Variants in TOM1L1 observed in about 807,000 individuals in gnomAD.
TOM1L1 encodes the protein target of myb1 like 1 membrane trafficking protein, also known as TOM1-like protein 1.
TOM1L1 carries 64 observed loss-of-function variants against 63.4 expected under a neutral mutation model. The observed-to-expected ratio is 1.01, with a 90% CI of 0.83 to 1.24. TOM1L1 has a LOEUF of 1.24. Among genes scored for constraint, TOM1L1 ranks in the 50% most tolerant of loss-of-function variants. The pLI is 0.00. For missense variants in TOM1L1, 536 were observed against 567.0 expected (o/e 0.95, Z 0.55); for synonymous variants, 166 against 194.4 (o/e 0.85, Z 1.22).
chr17:54,941,508 T>C (rs931131341), intron 11 of TOM1L1, among the ~76,000 whole-genome samples: 1 of 152,200 alleles, frequency 6.6e-6, no homozygotes, highest in Non-Finnish European at 1.5e-5. Flanking sequence ...CAAGTAAATG[T>C]TGAAATGTAG....
intron 6 of TOM1L1, 72 bp from the exon 7 acceptor site, chr17:54,915,674 C>T: frequency 9.6e-7 from 1 of 1,038,304 alleles, no homozygotes; most frequent in African/African-American, 1.6e-5. Flanking sequence ...AGCAAATGTC[C>T]CATGGGGGCA....
rs74686562 is a variant in TOM1L1, at chr17:54,907,153, CT to C, written c.222+1602del. ...TTTTAGAGGCATTTTCCCCCTTCAC[CT>C]TTTTTTTTTTTTTTTGACCTCTTAC... is the stretch of plus-strand genomic sequence containing the variant. On this transcript the variant is annotated intron_variant, in intron 3 of 15. Coordinates refer to ENST00000575882, the MANE Select transcript of TOM1L1 (RefSeq NM_005486.3). Among the ~76,000 whole-genome samples the C allele has an allele frequency of 5.9e-3, 806 of 137,254 alleles. 3 individuals carry two copies. The highest frequency in any genetic ancestry group is 0.011 in the East Asian group (55 of 4,790). The allele number at this position is 137,254 out of a possible 152,430, so 90.0% of individuals were successfully genotyped here. A position where few individuals can be genotyped will look rare whatever the true frequency, so the allele number is the denominator to read the frequency against.
At chr17:54,956,553 C>G (rs758104875) in intron 14 of TOM1L1, among the ~76,000 whole-genome samples, 1 of 152,138 alleles carries the variant, frequency 6.6e-6, no homozygotes, top group Non-Finnish European at 1.5e-5. Flanking sequence ...AGTTCATCTA[C>G]CCACCTCAGC....
At position 54,961,850 on chromosome 17, in the gene TOM1L1, T is replaced by C. The variant is rs1328862177; in HGVS notation, c.*617T>C. ...GATTCTTTGTAATGCTAAATAGCCTTTTTTTCTCTTTTTACTGCAACTTAA... is the reference window on the plus strand; with the variant it reads ...GATTCTTTGTAATGCTAAATAGCCTCTTTTTCTCTTTTTACTGCAACTTAA... On this transcript the variant is annotated 3_prime_UTR_variant, in exon 16 of 16. Coordinates refer to ENST00000575882, the MANE Select transcript of TOM1L1 (RefSeq NM_005486.3). The C allele has an allele frequency of 8.3e-6, 8 of 968,856 alleles. No individual in the cohort carries two copies. The highest frequency in any genetic ancestry group is 9.8e-6 in the Non-Finnish European group (8 of 814,840). The allele number at this position is 968,856 out of a possible 1,614,324, so 60.0% of individuals were successfully genotyped here.
chr17:54,949,979 G>C (rs1567841573), intron 13 of TOM1L1, 66 bp from the exon 14 acceptor site: 10 of 1,253,782 alleles, frequency 8.0e-6, no homozygotes, highest in Non-Finnish European at 1.0e-5. Flanking sequence ...ATTATAAAAA[G>C]AATATCAATT....
At chr17:54,949,921 C>A (rs2049185159) in intron 13 of TOM1L1, 124 bp from the exon 14 acceptor site, 9 of 757,054 alleles carry the variant, frequency 1.2e-5, no homozygotes, top group Non-Finnish European at 1.7e-5. Context: ...CATTGGGACA[C>A]CAGTCTGTTT....
Position 54,949,550 on chromosome 17 carries a change from G to T in TOM1L1, c.1215G>T (p.Gln405His), listed in dbSNP as rs1434564208. 1 of 1,613,960 alleles carries T rather than the reference G, an allele frequency of 6.2e-7. No homozygotes were observed. Among genetic ancestry groups the T allele is most frequent in the African/African-American group, 1.3e-5 (1 of 75,012 alleles). The change falls in exon 13 of 16, where the codon CAG becomes CAT. Residue 405 changes from glutamine to histidine, a missense_variant. Physicochemically the swap from Gln to His is conservative, Grantham distance 24. Coordinates refer to ENST00000575882, the MANE Select transcript of TOM1L1 (RefSeq NM_005486.3). ...AACATTCAAATTCAGTGTTTCTACA[G>T]CCAGTTAGTCTACAAACCATTGCAG... ...FLEHSNSVFL[Q>H]PVSLQTIAAA...
chr17:54,921,082 C>T (rs2048676043), intron 7 of TOM1L1, among the ~76,000 whole-genome samples: 1 of 152,158 alleles, frequency 6.6e-6, no homozygotes, highest in Non-Finnish European at 1.5e-5. Context: ...AGCTCCCCAT[C>T]TTGTTTGCAC....
At chr17:54,960,498 C>A in intron 14 of TOM1L1, 68 bp from the exon 15 acceptor site, 1 of 1,182,682 alleles carries the variant, frequency 8.5e-7, no homozygotes, top group Non-Finnish European at 1.3e-6. Context: ...ACAGTGCTGG[C>A]AGTTAAAAAC....
intron 1 of TOM1L1, among the ~76,000 whole-genome samples, chr17:54,903,451 TG>T (rs1286253315): frequency 1.4e-4 from 22 of 152,374 alleles, no homozygotes; most frequent in African/African-American, 4.8e-4. Flanking sequence ...TTAGCTGGCC[TG>T]GCCTGGGCCT....
At chr17:54,953,384 C>A (rs1272897317) in intron 14 of TOM1L1, 1 of 152,286 alleles carries the variant, frequency 6.6e-6, no homozygotes, top group Non-Finnish European at 1.5e-5. Context: ...AAAAAAAATC[C>A]AACTGGTTGC....
rs777508348 is a variant in TOM1L1 at position 54,958,179 on chromosome 17, C to T, written c.1371-2387C>T. ...AAGAAAGTTAACAGGGAGCTCAGTA[C>T]CAGATGAGGAAAATGTAATTTGGAA... On this transcript the variant is annotated intron_variant, in intron 14 of 15. Transcript: ENST00000575882. 3.3e-5 allele frequency: 5 copies of T among 152,202 alleles called. No individual in the cohort carries two copies. The East Asian group carries it at 5.8e-4, about 18-fold the overall frequency. 9.4% of individuals were successfully genotyped at this position (152,202 alleles called of 1,614,324 possible).
intron 11 of TOM1L1, among the ~76,000 whole-genome samples, chr17:54,944,490 A>G (rs565445028): frequency 2.0e-5 from 3 of 152,030 alleles, no homozygotes; most frequent in African/African-American, 7.2e-5. Context: ...ATAGTCTATT[A>G]TATTTACCCA....
intron 7 of TOM1L1, among the ~76,000 whole-genome samples, chr17:54,917,731 A>G (rs779139143): frequency 6.6e-6 from 1 of 152,166 alleles, no homozygotes; most frequent in African/African-American, 2.4e-5. Flanking sequence ...GCTGGTCTGC[A>G]TTCTCTGCTG....
rs753917289 is a variant in TOM1L1 at position 54,912,667 on chromosome 17, T to TTATA, written c.227_228insATAT (p.Asp77TyrfsTer2). The TTATA allele has an allele frequency of 5.9e-6, 9 of 1,536,612 alleles. No homozygotes were observed. The highest frequency in any genetic ancestry group is 1.7e-4 in the Middle Eastern group (1 of 5,752). ...TGTTTAATTTTTTTTCTAATTTAGC[T>TTATA]TATTGACATGTGTGTGCAGAACTGT... On this transcript the variant is annotated frameshift_variant and splice_region_variant, in exon 4 of 16. Coordinates refer to ENST00000575882, the MANE Select transcript of TOM1L1 (RefSeq NM_005486.3). LOFTEE classifies it high-confidence loss of function.
At chr17:54,938,521 T>C (rs1246323809) in intron 10 of TOM1L1, 1 of 150,448 alleles carries the variant, frequency 6.6e-6, no homozygotes, top group Non-Finnish European at 1.5e-5. Flanking sequence ...AAAAAGATTA[T>C]GGACTGGAGC....
intron 3 of TOM1L1, among the ~76,000 whole-genome samples, chr17:54,909,989 A>G (rs1206215853): frequency 6.6e-6 from 1 of 152,234 alleles, no homozygotes; most frequent in East Asian, 1.9e-4. Context: ...GAGGTGATGT[A>G]GAATTAATTA....
chr17:54,938,725 G>T, intron 10 of TOM1L1, 199 bp from the exon 11 acceptor site: 1 of 450,840 alleles, frequency 2.2e-6, no homozygotes, highest in South Asian at 4.1e-5. Flanking sequence ...CATAAATGAT[G>T]CTTTTTAATT....
chr17:54,936,535 A>AGG, intron 8 of TOM1L1, 114 bp from the exon 9 acceptor site: 1 of 844,712 alleles, frequency 1.2e-6, no homozygotes, highest in Non-Finnish European at 1.8e-6. Context: ...TAATTGTGTG[A>AGG]GGATGAGGCT....
Sources: gnomAD v4.1 joint callset for allele counts (sites outside exome capture counted in the v4.1 genomes callset) on GRCh38, gnomAD v4.1.1 for gene constraint, MANE v1.5 for transcripts, NCBI Gene and HGNC (gene_info 2026-07-23, HGNC 2026-07-21) for gene names.